CARD8: variants seen among roughly 807,000 people sequenced by gnomAD.
The protein encoded by CARD8 is caspase recruitment domain-containing protein 8.
Under a neutral mutation model 53.2 loss-of-function variants are expected in CARD8, and 38 were observed. The observed-to-expected ratio is 0.71, with a 90% CI of 0.55 to 0.94. CARD8 has a LOEUF of 0.94. Ranked by LOEUF, CARD8 falls within the 40% of genes least tolerant of loss-of-function variation. The pLI is 0.00. For missense variants in CARD8, 561 were observed against 655.5 expected (o/e 0.86, Z 1.57); for synonymous variants, 245 against 244.9 (o/e 1.00, Z 0.00).
chr19:48,231,746 G>C lies in CARD8; in HGVS notation c.456C>G (p.Ile152Met), dbSNP rs372775777. ...SSYASKVCFE[I>M]EEDYKNRQFL... ...ACTGACGATTTTTATAATCTTCTTC[G>C]ATCTCAAAACAGACTTTAGAAGCAT... Residue 152 changes from isoleucine to methionine, a missense_variant, in exon 8 of 14, where the codon ATC (isoleucine) becomes ATG (methionine). Physicochemically the swap from Ile to Met is conservative, Grantham distance 10 (BLOSUM62 1). Transcript: ENST00000651546. The C allele has an allele frequency of 6.2e-7, 1 of 1,613,228 alleles. No individual in the cohort carries two copies. Among genetic ancestry groups the C allele is most frequent in the Non-Finnish European group, 8.5e-7 (1 of 1,179,600 alleles).
downstream of CARD8, among the ~76,000 whole-genome samples, chr19:48,207,177 A>G (rs1568594221): frequency 7.3e-6 from 1 of 137,778 alleles, no homozygotes; most frequent in African/African-American, 2.8e-5. Context: ...AAAAAAAAAA[A>G]AGAAAAGAAA....
chr19:48,252,661 A>AT (rs967416570), intron 1 of CARD8, among the ~76,000 whole-genome samples: 1 of 151,268 alleles, frequency 6.6e-6, no homozygotes, highest in Admixed American at 6.6e-5. Context: ...TGCCTGGCTA[A>AT]TTTTTTTGTA....
rs148984558 is a variant in CARD8 at position 48,251,240 on chromosome 19, A to G, written c.-251-1393T>C. ...TTGATCATAAAATTTAAGTTACACC[A>G]TTATTCTGCTAAGTAGAAAAGGTCG... On this transcript the variant is annotated intron_variant, in intron 1 of 13. Coordinates refer to ENST00000651546, the MANE Select transcript of CARD8 (RefSeq NM_001184900.3). 3.1e-3 allele frequency among the ~76,000 whole-genome samples: 470 copies of G among 152,366 alleles called. 4 individuals carry two copies. Among genetic ancestry groups the G allele is most frequent in the African/African-American group, 0.011 (447 of 41,584 alleles).
At chr19:48,223,032 A>C (rs891217435) in intron 10 of CARD8, among the ~76,000 whole-genome samples, 3 of 152,062 alleles carry the variant, frequency 2.0e-5, no homozygotes, top group Non-Finnish European at 4.4e-5. Flanking sequence ...GGCCAGGTGC[A>C]GTGGCTTATG....
At position 48,233,215 on chromosome 19, in the gene CARD8, G is replaced by A. The variant is rs548796486; in HGVS notation, c.351-722C>T. The A allele has an allele frequency of 1.7e-4, 68 of 407,258 alleles. 1 individual carries two copies. The highest frequency in any genetic ancestry group is 1.0e-3 in the South Asian group (57 of 55,464). 25.2% of individuals were successfully genotyped at this position (407,258 alleles called of 1,614,324 possible). ...CAATATGGGTTCTATGACATACAGC[G>A]TGAGCCAATGGTTCGTCATGCCTCT... On this transcript the variant is annotated intron_variant, in intron 6 of 13. Coordinates refer to ENST00000651546, the MANE Select transcript of CARD8 (RefSeq NM_001184900.3).
Position 48,211,502 on chromosome 19 carries a change from T to C in CARD8, c.*208A>G. 1.8e-6 allele frequency: 1 copy of C among 552,182 alleles called. No homozygotes were observed. The highest frequency in any genetic ancestry group is 1.9e-5 in the African/African-American group (1 of 53,076). The allele number at this position is 552,182 out of a possible 1,614,324, so 34.2% of individuals were successfully genotyped here. A position where few individuals can be genotyped will look rare whatever the true frequency, so the allele number is the denominator to read the frequency against. ...GGAAAAAATTTAAAAGGAATATTAC[T>C]ACCTTCTTCAGACATTCTTGAGGAA... On this transcript the variant is annotated 3_prime_UTR_variant, in exon 14 of 14. Transcript: ENST00000651546.
rs147993805 is a variant in CARD8, at chr19:48,253,185, T to C, written c.-252+2607A>G. Reference sequence around the variant, plus strand: ...TAGGACTGGTTAAGAGAATGTGGTGTGTGAGAGTACAGGTGCAGGGAGCTG... The same window carrying C: ...TAGGACTGGTTAAGAGAATGTGGTGCGTGAGAGTACAGGTGCAGGGAGCTG... On this transcript the variant is annotated intron_variant, in intron 1 of 13. Transcript: ENST00000651546. Among the ~76,000 whole-genome samples the C allele has an allele frequency of 3.0e-4, 46 of 152,254 alleles. 1 individual carries two copies. The East Asian group carries it at 8.7e-3, about 29-fold the overall frequency.
Position 48,230,591 on chromosome 19 carries a change from G to A in CARD8, c.882C>T (p.Pro294=). 3 of 1,614,156 alleles carry A rather than the reference G, an allele frequency of 1.9e-6. No individual in the cohort carries two copies. In the South Asian group the frequency reaches 3.3e-5, roughly 18 times the overall value. The change falls in exon 10 of 14, where the codon CCC becomes CCT. Residue 294 remains proline, a synonymous_variant. Coordinates refer to ENST00000651546, the MANE Select transcript of CARD8 (RefSeq NM_001184900.3). The part of the protein sequence containing the change: ...VEPFYAVLES[P]SFSLMGILLR... ...GCAGGATGCCCATCAGAGAGAAGCT[G>A]GGGCTTTCCAGGACAGCATAGAAAG...
At position 48,211,430 on chromosome 19, in the gene CARD8, C is replaced by T. The variant is rs560137440; in HGVS notation, c.*280G>A. On this transcript the variant is annotated 3_prime_UTR_variant, in exon 14 of 14. Coordinates refer to ENST00000651546, the MANE Select transcript of CARD8 (RefSeq NM_001184900.3). ...CCGGATGTCCTTTATCCTGGGTCTT[C>T]AAGAATCATGTCAATGGATAAAATA... 6.0e-6 allele frequency: 2 copies of T among 335,070 alleles called. No homozygotes were observed. The highest frequency in any genetic ancestry group is 1.2e-4 in the East Asian group (2 of 16,580). 20.8% of individuals were successfully genotyped at this position (335,070 alleles called of 1,614,324 possible).
In CARD8 at chr19:48,210,275, A is replaced by G. The variant is rs2037766405; in HGVS notation, c.*1435T>C. 6.6e-6 allele frequency: 1 copy of G among 152,204 alleles called. No individual in the cohort carries two copies. Among genetic ancestry groups the G allele is most frequent in the Non-Finnish European group, 1.5e-5 (1 of 68,022 alleles). The allele number at this position is 152,204 out of a possible 1,614,324, so 9.4% of individuals were successfully genotyped here. On this transcript the variant is annotated 3_prime_UTR_variant, in exon 14 of 14. Coordinates refer to ENST00000651546, the MANE Select transcript of CARD8 (RefSeq NM_001184900.3). ...CATCACTGAGAATGAAGGTGAGAAA[A>G]AGATGTCCTCAGAGGAAGCAAAAAA...
At chr19:48,245,519 T>A (rs2045961712) in intron 3 of CARD8, among the ~76,000 whole-genome samples, 1 of 152,056 alleles carries the variant, frequency 6.6e-6, no homozygotes, top group Non-Finnish European at 1.5e-5. Context: ...GCCAGAAGAA[T>A]CTTAATATAC....
At chr19:48,217,481 A>G (rs2039574050) in intron 12 of CARD8, among the ~76,000 whole-genome samples, 1 of 152,130 alleles carries the variant, frequency 6.6e-6, no homozygotes, top group South Asian at 2.1e-4. Flanking sequence ...ACTGCATACA[A>G]CTTATCTTCA....
In CARD8 at chr19:48,215,345, A is replaced by C; in HGVS notation, c.1343T>G (p.Phe448Cys). 1 of 1,610,266 alleles carries C rather than the reference A, an allele frequency of 6.2e-7. No homozygotes were observed. Among genetic ancestry groups the C allele is most frequent in the Non-Finnish European group, 8.5e-7 (1 of 1,176,704 alleles). The change falls in exon 13 of 14, where the codon TTC becomes TGC. Residue 448 changes from phenylalanine to cysteine, a missense_variant. By Grantham distance (205) the Phe-to-Cys change is radical. Coordinates refer to ENST00000651546, the MANE Select transcript of CARD8 (RefSeq NM_001184900.3). ...QLVAASAPPP[F>C]SGAAFVKENH... ...AATGTAAACATTTCACTTACCTGAG[A>C]AAGGAGGAGGGGCTGATGCAGCTAC...
At chr19:48,237,937 C>A (rs2044218468) in intron 5 of CARD8, among the ~76,000 whole-genome samples, 1 of 152,042 alleles carries the variant, frequency 6.6e-6, no homozygotes, top group Non-Finnish European at 1.5e-5. Flanking sequence ...GTCTCCCAGG[C>A]TGGAGTGCAG....
intron 12 of CARD8, among the ~76,000 whole-genome samples, chr19:48,218,208 T>C (rs187343344): frequency 6.6e-6 from 1 of 152,260 alleles, no homozygotes; most frequent in East Asian, 1.9e-4. Flanking sequence ...CAAACTATTT[T>C]TTTTAATTTA....
chr19:48,233,364 G>A, intron 6 of CARD8: 1 of 456,312 alleles, frequency 2.2e-6, no homozygotes. Flanking sequence ...GAGACCAGCA[G>A]AGAAACTGAC....
chr19:48,255,661 C>T (rs935382757), intron 1 of CARD8, 131 bp downstream of exon 1: 5 of 152,270 alleles, frequency 3.3e-5, no homozygotes, highest in Admixed American at 3.3e-4. Flanking sequence ...CTGACACGCT[C>T]ATATGAACTT....
intron 10 of CARD8, 144 bp downstream of exon 10, chr19:48,230,294 T>C: frequency 1.2e-6 from 1 of 846,534 alleles, no homozygotes; most frequent in Non-Finnish European, 1.8e-6. Context: ...GCACCTTGGA[T>C]GAACCTCAGG....
chr19:48,231,652 A>C lies in CARD8; in HGVS notation c.542+8T>G, dbSNP rs749192381. 2 of 1,585,194 alleles carry C rather than the reference A, an allele frequency of 1.3e-6. No individual in the cohort carries two copies. The highest frequency in any genetic ancestry group is 1.7e-6 in the Non-Finnish European group (2 of 1,166,198). On this transcript the variant is annotated splice_region_variant and intron_variant, in intron 8 of 13. Transcript: ENST00000651546. ...GGTTTTCAAATCATCAGCATCTTCCATTCTTACCTGTATCTGTTTGTGCTC... is the reference window on the plus strand; with the variant it reads ...GGTTTTCAAATCATCAGCATCTTCCCTTCTTACCTGTATCTGTTTGTGCTC...
Sources: allele counts gnomAD v4.1 joint callset (sites outside exome capture counted in the v4.1 genomes callset), GRCh38; gene constraint gnomAD v4.1.1; transcripts MANE v1.5; gene names NCBI Gene and HGNC (gene_info 2026-07-23, HGNC 2026-07-21).